Variants in TRIM14 observed in about 807,000 individuals in gnomAD.
TRIM14 encodes the protein tripartite motif-containing protein 14.
In TRIM14, 28 loss-of-function variants were observed where a neutral mutation model predicts 44.5. That is an observed-to-expected ratio of 0.63 (90% CI 0.47 to 0.86). The LOEUF is 0.86. TRIM14 is among the 40% of genes least tolerant of loss of function. The pLI is 0.00. For synonymous variants in TRIM14, 299 were observed against 269.2 expected, an observed-to-expected ratio of 1.11 and a Z score of -1.08; for missense variants, 607 against 611.1, an observed-to-expected ratio of 0.99 and a Z score of 0.07.
chr9:98,102,677 G>A (rs1015718912), intron 2 of TRIM14, among the ~76,000 whole-genome samples: 21 of 152,194 alleles, frequency 1.4e-4, no homozygotes, highest in African/African-American at 4.6e-4. Flanking sequence ...CAAGGGCTGG[G>A]AGAGGGGAAA....
intron 6 of TRIM14, chr9:98,078,442 T>C: frequency 7.0e-7 from 1 of 1,437,346 alleles, no homozygotes; most frequent in South Asian, 1.3e-5. Context: ...CATGGCATAC[T>C]TTATAATTTG....
intron 5 of TRIM14, 97 bp downstream of exon 5, chr9:98,091,812 A>AG (rs1826003254): frequency 1.4e-6 from 1 of 699,006 alleles, no homozygotes; most frequent in African/African-American, 1.9e-5. Flanking sequence ...AATTCTAATG[A>AG]GAAAAAAAGA....
chr9:98,107,926 C>T (rs148303475), intron 2 of TRIM14, among the ~76,000 whole-genome samples: 2,614 of 152,100 alleles, frequency 0.017, 83 homozygotes, highest in African/African-American at 0.06. Flanking sequence ...CCTCAGCCTA[C>T]CAAAGTGCTG....
At chr9:98,075,677 G>A (rs1007143558) in intron 6 of TRIM14, 2 of 152,012 alleles carry the variant, frequency 1.3e-5, no homozygotes, top group Non-Finnish European at 2.9e-5. Context: ...TGATTTTTTC[G>A]ACTTTTGATT....
At chr9:98,090,624 T>C (rs1825960454) in intron 5 of TRIM14, among the ~76,000 whole-genome samples, 1 of 149,726 alleles carries the variant, frequency 6.7e-6, no homozygotes, top group Non-Finnish European at 1.5e-5. Flanking sequence ...AGTGCAGTAG[T>C]GCGACCTCGG....
chr9:98,098,403 C>T (rs543511581), intron 3 of TRIM14, among the ~76,000 whole-genome samples: 10 of 152,146 alleles, frequency 6.6e-5, no homozygotes, highest in Non-Finnish European at 1.2e-4. Flanking sequence ...GTTTCTTCCA[C>T]GGTTCCCTAA....
chr9:98,039,949 C>CG, the TRIM14 span, among the ~76,000 whole-genome samples: 1 of 152,102 alleles, frequency 6.6e-6, no homozygotes, highest in South Asian at 2.1e-4. Context: ...TGTCTAGCAG[C>CG]GGGTAAGGTG....
chr9:98,054,205 C>CT, the TRIM14 span, among the ~76,000 whole-genome samples: 1 of 152,100 alleles, frequency 6.6e-6, no homozygotes, highest in Non-Finnish European at 1.5e-5. Context: ...GCCTGCTGGA[C>CT]TTGCATCAGA....
chr9:98,110,070 C>T (rs547205294), intron 1 of TRIM14, 86 bp from the exon 2 acceptor site: 1 of 1,006,258 alleles, frequency 9.9e-7, no homozygotes, highest in South Asian at 1.3e-5. Context: ...TCCTCTTACC[C>T]TTGTATTCTT....
chr9:98,060,970 C>T, the TRIM14 span: 4 of 1,613,866 alleles, frequency 2.5e-6, no homozygotes, highest in African/African-American at 2.7e-5. Context: ...AGGTTGGGAT[C>T]TTCTTCACTG....
intron 1 of TRIM14, among the ~76,000 whole-genome samples, chr9:98,115,158 C>T (rs567727846): frequency 1.3e-5 from 2 of 150,234 alleles, no homozygotes; most frequent in African/African-American, 4.9e-5. Context: ...GGCATGATCT[C>T]GGCTCACTGC....
At position 98,087,888 on chromosome 9, in the gene TRIM14, C is replaced by CGCT. The variant is rs1447190052; in HGVS notation, c.910_911insAGC (p.Leu303_Arg304insGln). The CGCT allele has an allele frequency of 5.7e-6, 9 of 1,569,454 alleles. No homozygotes were observed. The highest frequency in any genetic ancestry group is 6.8e-6 in the Non-Finnish European group (8 of 1,167,940). On this transcript the variant is annotated inframe_insertion, in exon 6 of 6. Transcript: ENST00000341469. ...CAGCACTTGCCAGAGCGCGTCGAAC[C>CGCT]GCAGCACGGGCACGGGCCCCAGGCT...
At chr9:98,062,905 T>C in the TRIM14 span, among the ~76,000 whole-genome samples, 1 of 150,942 alleles carries the variant, frequency 6.6e-6, no homozygotes, top group Admixed American at 6.6e-5. Context: ...AAGTTTAAAA[T>C]TAAAAAAAGT....
intron 6 of TRIM14, chr9:98,075,964 T>G (rs1829572208): frequency 6.6e-6 from 1 of 152,174 alleles, no homozygotes; most frequent in African/African-American, 2.4e-5. Flanking sequence ...TGCTGACATT[T>G]ACCAATTTCC....
In TRIM14 at chr9:98,087,658, G is replaced by A; in HGVS notation, c.1141C>T (p.Arg381Cys). 1.2e-6 allele frequency: 2 copies of A among 1,603,680 alleles called. No individual in the cohort carries two copies. Among genetic ancestry groups the A allele is most frequent in the Non-Finnish European group, 1.7e-6 (2 of 1,178,566 alleles). ...YWAFHDGQRS[R>C]LRPRDDLDRL... Reference sequence around the variant, plus strand: ...TCGAGGTCGTCGCGGGGCCGCAGGCGGCTGCGCTGGCCGTCGTGGAAGGCC... The same window carrying A: ...TCGAGGTCGTCGCGGGGCCGCAGGCAGCTGCGCTGGCCGTCGTGGAAGGCC... Residue 381 changes from arginine to cysteine, a missense_variant, in exon 6 of 6, where the codon CGC (arginine) becomes TGC (cysteine). Physicochemically the swap from Arg to Cys is radical, Grantham distance 180. Around this residue, in one of 3 missense-constraint regions of TRIM14, gnomAD observed 356 missense variants for 323.0 expected, o/e 1.10. Coordinates refer to ENST00000341469, the MANE Select transcript of TRIM14 (RefSeq NM_014788.4).
chr9:98,098,775 T>C (rs1290831008), intron 3 of TRIM14, among the ~76,000 whole-genome samples: 1 of 152,030 alleles, frequency 6.6e-6, no homozygotes, highest in Non-Finnish European at 1.5e-5. Context: ...GCAATGACTA[T>C]CCCTGGGGCT....
At chr9:98,072,600 A>G (rs145186321) in intron 6 of TRIM14, among the ~76,000 whole-genome samples, 3,340 of 152,102 alleles carry the variant, frequency 0.022, 128 homozygotes, top group African/African-American at 0.076. Flanking sequence ...TAGTAGAGAC[A>G]GAGTTTCACC....
At chr9:98,036,471 A>C in the TRIM14 span, among the ~76,000 whole-genome samples, 1 of 137,438 alleles carries the variant, frequency 7.3e-6, no homozygotes, top group Non-Finnish European at 1.5e-5. Flanking sequence ...ACTACACTCC[A>C]ACCTGGGTGA....
intron 2 of TRIM14, among the ~76,000 whole-genome samples, chr9:98,103,167 A>T (rs527375108): frequency 6.6e-6 from 1 of 152,220 alleles, no homozygotes; most frequent in Non-Finnish European, 1.5e-5. Context: ...CCTGGGCAAC[A>T]GAACGAGACT....
Sources: gnomAD v4.1 joint callset for allele counts (sites outside exome capture counted in the v4.1 genomes callset) on GRCh38, gnomAD v4.1.1 for gene constraint, gnomAD v4.1.1 regional missense constraint, MANE v1.5 for transcripts, NCBI Gene and HGNC (gene_info 2026-07-23, HGNC 2026-07-21) for gene names.